LAP3: variants seen among roughly 807,000 people sequenced by gnomAD.
LAP3 encodes cytosol aminopeptidase.
A neutral mutation model predicts 58.8 loss-of-function variants in LAP3; 46 were observed. The ratio of observed to expected loss-of-function variants is 0.78; its 90% CI spans 0.62 to 1.00. The LOEUF is 1.00. LAP3 is among the 50% of genes least tolerant of loss of function. The pLI, the probability that LAP3 is intolerant of heterozygous loss-of-function variation, is 0.00. For missense variants in LAP3, 615 were observed against 659.1 expected (o/e 0.93, Z 0.73); for synonymous variants, 257 against 237.7 (o/e 1.08, Z -0.75).
intron 10 of LAP3, among the ~76,000 whole-genome samples, chr4:17,602,973 C>T (rs535915620): frequency 5.8e-4 from 88 of 151,524 alleles, no homozygotes; most frequent in Non-Finnish European, 9.1e-4. Flanking sequence ...TGAGCCACCG[C>T]GCCCAGCCAA....
intron 7 of LAP3, among the ~76,000 whole-genome samples, chr4:17,594,314 T>C (rs1177422800): frequency 6.6e-6 from 1 of 152,234 alleles, no homozygotes; most frequent in Non-Finnish European, 1.5e-5. Flanking sequence ...TTTACCCATG[T>C]TATTTTTCTT....
chr4:17,596,949 G>T lies in LAP3; in HGVS notation c.989-97G>T, dbSNP rs1713845226. 3.8e-6 allele frequency: 4 copies of T among 1,050,740 alleles called. No individual in the cohort carries two copies. In the East Asian group the frequency reaches 1.0e-4, roughly 27 times the overall value. The allele number at this position is 1,050,740 out of a possible 1,614,324, so 65.1% of individuals were successfully genotyped here. On this transcript the variant is annotated intron_variant, in intron 8 of 12. Coordinates refer to ENST00000226299, the MANE Select transcript of LAP3 (RefSeq NM_015907.3). Reference sequence around the variant, plus strand: ...ATCAGTTCGTTAAGGTGGCCTTTGTGTCTTGCTTCTCATGGCTCACAGGTG... The same window carrying T: ...ATCAGTTCGTTAAGGTGGCCTTTGTTTCTTGCTTCTCATGGCTCACAGGTG...
chr4:17,582,897 A>G (rs1713402592), intron 4 of LAP3, among the ~76,000 whole-genome samples: 1 of 152,248 alleles, frequency 6.6e-6, no homozygotes, highest in South Asian at 2.1e-4. Flanking sequence ...GTCAAGAGCC[A>G]TGATTAAAGA....
chr4:17,581,650 C>T (rs1713366015), intron 2 of LAP3, 110 bp from the exon 3 acceptor site: 1 of 722,510 alleles, frequency 1.4e-6, no homozygotes, highest in Admixed American at 2.4e-5. Flanking sequence ...TGAAAAAGAC[C>T]ATGGAAGCAG....
chr4:17,597,718 C>T (rs779219775), intron 9 of LAP3, among the ~76,000 whole-genome samples: 2 of 152,214 alleles, frequency 1.3e-5, no homozygotes, highest in East Asian at 1.9e-4. Flanking sequence ...CTGCAGAGGG[C>T]GGCAAAGCAG....
chr4:17,606,763 G>A (rs1714153373), intron 11 of LAP3, 66 bp from the exon 12 acceptor site: 1 of 994,746 alleles, frequency 1.0e-6, no homozygotes, highest in East Asian at 2.4e-5. Context: ...CATTGAGCAT[G>A]TTAATGCCAT....
At chr4:17,600,638 G>A (rs1013268786) in intron 10 of LAP3, among the ~76,000 whole-genome samples, 12 of 152,116 alleles carry the variant, frequency 7.9e-5, no homozygotes, top group African/African-American at 2.9e-4. Context: ...CGTAAGCAAG[G>A]GTGACCTTCT....
rs1374769731 is a variant in LAP3 at position 17,577,251 on chromosome 4, C to CGAATGCGGGCGCACACGAA, written c.-215_-214insGAATGCGGGCGCACACGAA. The CGAATGCGGGCGCACACGAA allele has an allele frequency of 6.0e-5, 25 of 416,860 alleles. No homozygotes were observed. Among genetic ancestry groups the CGAATGCGGGCGCACACGAA allele is most frequent in the South Asian group, 8.5e-5 (2 of 23,438 alleles). The allele number at this position is 416,860 out of a possible 1,614,324, so 25.8% of individuals were successfully genotyped here. ...GGGCGCACACGAATGCGGGCGCACC[C>CGAATGCGGGCGCACACGAA]TTGAGTCCCCTCCACAACCGCGGTT... On this transcript the variant is annotated 5_prime_UTR_variant, in exon 1 of 13. In the 5' UTR this introduces an upstream ATG that the reference lacks. Coordinates refer to ENST00000226299, the MANE Select transcript of LAP3 (RefSeq NM_015907.3).
chr4:17,588,225 A>T (rs1713580668), intron 6 of LAP3, among the ~76,000 whole-genome samples: 1 of 151,700 alleles, frequency 6.6e-6, no homozygotes, highest in Non-Finnish European at 1.5e-5. Flanking sequence ...TGTAGAGACC[A>T]AGTCTCAACT....
chr4:17,588,130 C>T (rs925764868), intron 6 of LAP3, among the ~76,000 whole-genome samples: 5 of 151,928 alleles, frequency 3.3e-5, no homozygotes, highest in Admixed American at 6.6e-5. Context: ...AGGGCTCAAG[C>T]GAGCCTCTTG....
Position 17,579,761 on chromosome 4 carries a change from C to A in LAP3, c.103-63C>A. On this transcript the variant is annotated intron_variant, in intron 1 of 12. Coordinates refer to ENST00000226299, the MANE Select transcript of LAP3 (RefSeq NM_015907.3). ...TTGTTCCTTCTGGAATTTGGGGACT[C>A]CTGAGCCTCTCTAAGGGATCTACTC... 11 of 863,532 alleles carry A rather than the reference C, an allele frequency of 1.3e-5. No individual in the cohort carries two copies. In the South Asian group the frequency reaches 1.8e-4, roughly 14 times the overall value. 53.5% of individuals were successfully genotyped at this position (863,532 alleles called of 1,614,324 possible). A position where few individuals can be genotyped will look rare whatever the true frequency, so the allele number is the denominator to read the frequency against.
intron 7 of LAP3, among the ~76,000 whole-genome samples, chr4:17,593,646 C>CTGT (rs1434123908): frequency 1.9e-5 from 2 of 107,458 alleles, no homozygotes; most frequent in African/African-American, 7.3e-5. Context: ...GTGTCTCACT[C>CTGT]TGTTGCCCAG....
rs574120111 is a variant in LAP3, at chr4:17,581,163, A to G, written c.219-597A>G. Among the ~76,000 whole-genome samples the G allele has an allele frequency of 2.6e-5, 4 of 152,374 alleles. No homozygotes were observed. In the East Asian group the frequency reaches 7.7e-4, roughly 29 times the overall value. ...TTGGAAATTGCCCAGGATAGTCAGT[A>G]TCCGGTTCGGGTATCCAGTCTGTGG... On this transcript the variant is annotated intron_variant, in intron 2 of 12. Transcript: ENST00000226299.
intron 7 of LAP3, among the ~76,000 whole-genome samples, chr4:17,589,191 G>C (rs1376421855): frequency 1.3e-5 from 2 of 151,900 alleles, no homozygotes; most frequent in African/African-American, 4.8e-5. Context: ...CTCCCAAGTA[G>C]CTGGGATTAC....
Position 17,582,272 on chromosome 4 carries a change from TG to T in LAP3, c.274-15del. 6.2e-7 allele frequency: 1 copy of T among 1,601,086 alleles called. No homozygotes were observed. The highest frequency in any genetic ancestry group is 8.6e-7 in the Non-Finnish European group (1 of 1,168,656). On this transcript the variant is annotated splice_polypyrimidine_tract_variant and intron_variant, in intron 3 of 12. Coordinates refer to ENST00000226299, the MANE Select transcript of LAP3 (RefSeq NM_015907.3). Reference sequence around the variant, plus strand: ...GAAAGAAATAAAGTGGTTGATTTGGTGTATCTGTGGGACAGGACTTCCCCAG... The same window carrying T: ...GAAAGAAATAAAGTGGTTGATTTGGTTATCTGTGGGACAGGACTTCCCCAG...
chr4:17,588,730 T>C (rs1577221139), intron 6 of LAP3, 89 bp from the exon 7 acceptor site: 2 of 1,254,994 alleles, frequency 1.6e-6, no homozygotes, highest in Admixed American at 2.2e-5. Flanking sequence ...TTGTATATTA[T>C]ACTTTTTCAC....
intron 6 of LAP3, among the ~76,000 whole-genome samples, chr4:17,586,632 A>G (rs1043943265): frequency 1.3e-4 from 20 of 152,130 alleles, no homozygotes; most frequent in African/African-American, 4.8e-4. Context: ...TGCAGAGGGT[A>G]CTGCAGGATC....
At chr4:17,591,502 GTTAAT>G (rs1241062329) in intron 7 of LAP3, among the ~76,000 whole-genome samples, 2 of 152,120 alleles carry the variant, frequency 1.3e-5, no homozygotes, top group African/African-American at 4.8e-5. Flanking sequence ...GAAGTTTATT[GTTAAT>G]TTAAGTCCAC....
At position 17,581,166 on chromosome 4, in the gene LAP3, C is replaced by T. The variant is rs543155473; in HGVS notation, c.219-594C>T. Among the ~76,000 whole-genome samples the T allele has an allele frequency of 3.3e-5, 5 of 152,324 alleles. No homozygotes were observed. The East Asian group carries it at 5.8e-4, about 18-fold the overall frequency. On this transcript the variant is annotated intron_variant, in intron 2 of 12. Transcript: ENST00000226299. ...GAAATTGCCCAGGATAGTCAGTATC[C>T]GGTTCGGGTATCCAGTCTGTGGAGA...
Sources: gnomAD v4.1 joint callset for allele counts (sites outside exome capture counted in the v4.1 genomes callset) on GRCh38, gnomAD v4.1.1 for gene constraint, MANE v1.5 for transcripts, NCBI Gene and HGNC (gene_info 2026-07-23, HGNC 2026-07-21) for gene names.